The following TTC9 variants were observed in gnomAD, a reference collection of about 807,000 sequenced individuals.
TTC9 encodes tetratricopeptide repeat domain 9.
In TTC9, 13 loss-of-function variants were observed where a neutral mutation model predicts 22.9. That is an observed-to-expected ratio of 0.57 (90% confidence interval 0.37 to 0.90). The LOEUF is 0.90. TTC9 is among the 40% of genes least tolerant of loss of function. TTC9 has a pLI of 0.01. For missense variants in TTC9, 280 were observed against 291.8 expected, an observed-to-expected ratio of 0.96 and a Z score of 0.29; for synonymous variants, 148 against 133.2, an observed-to-expected ratio of 1.11 and a Z score of -0.77.
At position 70,656,560 on chromosome 14, in the gene TTC9, A is replaced by G. The variant is rs990036285; in HGVS notation, c.407-11004A>G. On this transcript the variant is annotated intron_variant, in intron 1 of 2. Transcript: ENST00000256367. ...TGAGGGAAAGATGGTGGGAGAGGCAATAGGAACAGGGAACATGTCTCTGGG... is the reference window on the plus strand; with the variant it reads ...TGAGGGAAAGATGGTGGGAGAGGCAGTAGGAACAGGGAACATGTCTCTGGG... Among the ~76,000 whole-genome samples, 15 of 152,316 alleles carry G rather than the reference A, an allele frequency of 9.8e-5. No homozygotes were observed. In the East Asian group the frequency reaches 2.5e-3, roughly 25 times the overall value.
chr14:70,651,793 G>A (rs1885988260), intron 1 of TTC9, among the ~76,000 whole-genome samples: 1 of 152,148 alleles, frequency 6.6e-6, no homozygotes, highest in Admixed American at 6.5e-5. Flanking sequence ...TAGGTGCTCA[G>A]CATCCAAGGT....
intron 1 of TTC9, among the ~76,000 whole-genome samples, chr14:70,650,698 A>G (rs1450404380): frequency 6.6e-6 from 1 of 152,230 alleles, no homozygotes; most frequent in African/African-American, 2.4e-5. Context: ...AAAATTCTCC[A>G]CATCATTCTT....
At chr14:70,651,789 C>T (rs1246534533) in intron 1 of TTC9, among the ~76,000 whole-genome samples, 1 of 152,112 alleles carries the variant, frequency 6.6e-6, no homozygotes, top group Non-Finnish European at 1.5e-5. Context: ...GGTGTAGGTG[C>T]TCAGCATCCA....
At chr14:70,651,017 T>A (rs959707585) in intron 1 of TTC9, among the ~76,000 whole-genome samples, 1 of 152,124 alleles carries the variant, frequency 6.6e-6, no homozygotes, top group Non-Finnish European at 1.5e-5. Flanking sequence ...TCTCATTCTG[T>A]CACCCAGGCT....
At chr14:70,651,708 G>T (rs1005080659) in intron 1 of TTC9, among the ~76,000 whole-genome samples, 3 of 152,178 alleles carry the variant, frequency 2.0e-5, no homozygotes, top group Non-Finnish European at 4.4e-5. Context: ...AAAGAAGAGA[G>T]TTGAGTCAGC....
intron 1 of TTC9, among the ~76,000 whole-genome samples, chr14:70,646,264 C>T (rs1443299003): frequency 1.3e-5 from 2 of 152,140 alleles, no homozygotes; most frequent in African/African-American, 4.8e-5. Context: ...TTGAATGATC[C>T]TGATACAATG....
At chr14:70,669,324 G>A (rs1371771059) in intron 2 of TTC9, among the ~76,000 whole-genome samples, 1 of 152,024 alleles carries the variant, frequency 6.6e-6, no homozygotes, top group Non-Finnish European at 1.5e-5. Context: ...CTGTCGCCCA[G>A]GCTGGAGTGC....
At chr14:70,659,308 T>C (rs1252480369) in intron 1 of TTC9, among the ~76,000 whole-genome samples, 2 of 152,022 alleles carry the variant, frequency 1.3e-5, no homozygotes, top group African/African-American at 4.8e-5. Flanking sequence ...GGTCTCTTTG[T>C]AGTATTTCTT....
At chr14:70,663,619 A>G (rs1164780749) in intron 1 of TTC9, among the ~76,000 whole-genome samples, 1 of 151,556 alleles carries the variant, frequency 6.6e-6, no homozygotes. Flanking sequence ...CTCCTTCTCT[A>G]CCTTTGTCCT....
chr14:70,669,026 C>T (rs931819536), intron 2 of TTC9, among the ~76,000 whole-genome samples: 6 of 150,788 alleles, frequency 4.0e-5, no homozygotes, highest in African/African-American at 7.3e-5. Flanking sequence ...CATGGTGGCA[C>T]GCACTTGTAG....
chr14:70,651,022 C>G (rs991010527), intron 1 of TTC9, among the ~76,000 whole-genome samples: 1 of 152,036 alleles, frequency 6.6e-6, no homozygotes, highest in African/African-American at 2.4e-5. Context: ...TTCTGTCACC[C>G]AGGCTGGAGT....
chr14:70,644,627 A>G (rs2139637340), intron 1 of TTC9, among the ~76,000 whole-genome samples: 1 of 152,334 alleles, frequency 6.6e-6, no homozygotes, highest in South Asian at 2.1e-4. Flanking sequence ...TGGGCTCCAA[A>G]GCCTTGCACT....
At chr14:70,644,659 C>G (rs142564501) in intron 1 of TTC9, among the ~76,000 whole-genome samples, 10 of 152,258 alleles carry the variant, frequency 6.6e-5, no homozygotes, top group Non-Finnish European at 1.2e-4. Flanking sequence ...TTTGGGAGAT[C>G]TCAGGCCTGG....
intron 1 of TTC9, among the ~76,000 whole-genome samples, chr14:70,651,444 AT>A (rs1885983709): frequency 6.6e-6 from 1 of 152,186 alleles, no homozygotes; most frequent in African/African-American, 2.4e-5. Context: ...TACAAACATA[AT>A]TTTAATGCCA....
chr14:70,648,821 C>G (rs1331902281), intron 1 of TTC9, among the ~76,000 whole-genome samples: 1 of 152,150 alleles, frequency 6.6e-6, no homozygotes, highest in African/African-American at 2.4e-5. Flanking sequence ...TAAGGTCTAG[C>G]TCGGACAATG....
At position 70,671,570 on chromosome 14, in the gene TTC9, A is replaced by G. The variant is rs1006910824; in HGVS notation, c.*415A>G. The stretch of plus-strand genomic sequence containing the variant: ...GGATCCTTCCACACTTTCCTGACAG[A>G]CCAGAACCAGAGCATCTCGAGGCAA... On this transcript the variant is annotated 3_prime_UTR_variant, in exon 3 of 3. Transcript: ENST00000256367. 1 of 172,884 alleles carries G rather than the reference A, an allele frequency of 5.8e-6. No individual in the cohort carries two copies. Among genetic ancestry groups the G allele is most frequent in the Non-Finnish European group, 1.2e-5 (1 of 81,190 alleles). 10.7% of individuals were successfully genotyped at this position (172,884 alleles called of 1,614,324 possible). A position where few individuals can be genotyped will look rare whatever the true frequency, so the allele number is the denominator to read the frequency against.
rs1365105263 is a variant in TTC9, at chr14:70,659,119, A to AACACACACACGCAC, written c.407-8435_407-8434insGCACACACACACAC. Among the ~76,000 whole-genome samples the AACACACACACGCAC allele has an allele frequency of 1.9e-3, 256 of 134,692 alleles. 2 individuals are homozygous for AACACACACACGCAC. The highest frequency in any genetic ancestry group is 0.017 in the South Asian group (64 of 3,874). 88.4% of individuals were successfully genotyped at this position (134,692 alleles called of 152,430 possible). The stretch of plus-strand genomic sequence containing the variant: ...CACACGATAAAACTGTATATAACTA[A>AACACACACACGCAC]ACACACACACACGCACACACACACA... On this transcript the variant is annotated intron_variant, in intron 1 of 2. Transcript: ENST00000256367.
chr14:70,672,159 C>G lies in TTC9; in HGVS notation c.*1004C>G, dbSNP rs897068409. 2.0e-4 allele frequency: 30 copies of G among 152,406 alleles called. No individual in the cohort carries two copies. The highest frequency in any genetic ancestry group is 6.7e-4 in the African/African-American group (28 of 41,576). 9.4% of individuals were successfully genotyped at this position (152,406 alleles called of 1,614,324 possible). On this transcript the variant is annotated 3_prime_UTR_variant, in exon 3 of 3. Transcript: ENST00000256367. ...AAGCAATTGGCCGTTTGTCCAGTGG[C>G]AGACAATGGTGGCTACAGCCTTTGT...
At chr14:70,655,223 G>A (rs926605107) in intron 1 of TTC9, among the ~76,000 whole-genome samples, 2 of 152,106 alleles carry the variant, frequency 1.3e-5, no homozygotes, top group African/African-American at 2.4e-5. Flanking sequence ...GGGAAACCCT[G>A]TCTCTACTAA....
Sources: allele counts gnomAD v4.1 joint callset (sites outside exome capture counted in the v4.1 genomes callset), GRCh38; gene constraint gnomAD v4.1.1; transcripts MANE v1.5; gene names NCBI Gene and HGNC (gene_info 2026-07-23, HGNC 2026-07-21).